Variants in ATXN7L1 observed in about 807,000 individuals in gnomAD.
ATXN7L1 encodes the protein ataxin-7-like protein 1.
Under a neutral mutation model 70.8 loss-of-function variants are expected in ATXN7L1, and 15 were observed. The ratio of observed to expected loss-of-function variants is 0.21; its 90% confidence interval spans 0.14 to 0.33. The LOEUF (loss-of-function observed/expected upper bound fraction) is 0.33, where lower values mean the gene tolerates loss of function less well. Among genes scored for constraint, ATXN7L1 ranks in the 10% least tolerant of loss-of-function variants. The pLI is 1.00. For synonymous variants in ATXN7L1, 440 were observed against 445.1 expected (o/e 0.99, Z 0.14); for missense variants, 975 against 1,097.1 (o/e 0.89, Z 1.57).
At chr7:105,829,462 C>CAAA (rs1811304534) in intron 2 of ATXN7L1, among the ~76,000 whole-genome samples, 1 of 151,848 alleles carries the variant, frequency 6.6e-6, no homozygotes, top group Admixed American at 6.6e-5. Context: ...AAAAAACAAA[C>CAAA]AAACAACAAC....
At chr7:105,841,646 A>G (rs1813225774) in intron 2 of ATXN7L1, among the ~76,000 whole-genome samples, 3 of 152,034 alleles carry the variant, frequency 2.0e-5, no homozygotes, top group African/African-American at 7.2e-5. Context: ...CTTGCATTCA[A>G]GTAATCCTTA....
At chr7:105,685,258 C>T (rs1363433388) in intron 3 of ATXN7L1, among the ~76,000 whole-genome samples, 1 of 152,060 alleles carries the variant, frequency 6.6e-6, no homozygotes, top group Non-Finnish European at 1.5e-5. Flanking sequence ...CCCTCTCCAG[C>T]GCTATAGCGA....
intron 5 of ATXN7L1, among the ~76,000 whole-genome samples, chr7:105,640,620 C>A (rs534117144): frequency 6.6e-6 from 1 of 152,208 alleles, no homozygotes; most frequent in African/African-American, 2.4e-5. Context: ...ACTGCAGCCT[C>A]GACCTCCTGG....
At chr7:105,843,162 T>C (rs934744221) in intron 2 of ATXN7L1, among the ~76,000 whole-genome samples, 1 of 152,190 alleles carries the variant, frequency 6.6e-6, no homozygotes, top group Non-Finnish European at 1.5e-5. Flanking sequence ...ATTTCCTATG[T>C]TCAGCAAGCA....
At chr7:105,702,571 CAT>C (rs891892922) in intron 3 of ATXN7L1, among the ~76,000 whole-genome samples, 6 of 151,850 alleles carry the variant, frequency 4.0e-5, no homozygotes, top group East Asian at 1.9e-4. Flanking sequence ...CACAGACACA[CAT>C]ACACACACAC....
At chr7:105,617,483 T>C (rs540180828) in intron 9 of ATXN7L1, among the ~76,000 whole-genome samples, 2 of 152,274 alleles carry the variant, frequency 1.3e-5, no homozygotes, top group Non-Finnish European at 1.5e-5. Context: ...ACGCTTTCTA[T>C]CCTTTTCTTG....
chr7:105,715,576 C>T (rs1794441882), intron 3 of ATXN7L1, among the ~76,000 whole-genome samples: 1 of 152,246 alleles, frequency 6.6e-6, no homozygotes, highest in African/African-American at 2.4e-5. Context: ...TAAACAATGC[C>T]TAAAGGCATT....
At chr7:105,853,043 G>A (rs1157706006) in intron 2 of ATXN7L1, among the ~76,000 whole-genome samples, 4 of 151,460 alleles carry the variant, frequency 2.6e-5, no homozygotes, top group East Asian at 1.9e-4. Flanking sequence ...AATAGAGAAC[G>A]TAGAACAGGT....
chr7:105,628,650 G>A (rs957998815), intron 7 of ATXN7L1, among the ~76,000 whole-genome samples: 28 of 151,642 alleles, frequency 1.8e-4, no homozygotes, highest in African/African-American at 5.1e-4. Flanking sequence ...AAAATTAGCC[G>A]GGCATGGTGG....
At chr7:105,857,593 C>T (rs1015234162) in intron 2 of ATXN7L1, among the ~76,000 whole-genome samples, 2 of 152,216 alleles carry the variant, frequency 1.3e-5, no homozygotes, top group African/African-American at 4.8e-5. Flanking sequence ...TCACCAGACC[C>T]AGGCTAAATA....
intron 3 of ATXN7L1, among the ~76,000 whole-genome samples, chr7:105,737,781 G>C (rs1797565327): frequency 6.6e-6 from 1 of 152,162 alleles, no homozygotes; most frequent in South Asian, 2.1e-4. Context: ...CAACAGCGTG[G>C]AGCTGCAGGT....
chr7:105,731,229 C>T (rs1796496273), intron 3 of ATXN7L1, among the ~76,000 whole-genome samples: 1 of 152,138 alleles, frequency 6.6e-6, no homozygotes, highest in Non-Finnish European at 1.5e-5. Context: ...GTCTCATCCC[C>T]AAGACGGCTC....
At chr7:105,610,176 G>C (rs1218473947) in intron 11 of ATXN7L1, among the ~76,000 whole-genome samples, 1 of 152,190 alleles carries the variant, frequency 6.6e-6, no homozygotes, top group Non-Finnish European at 1.5e-5. Context: ...ACTCAGAGAG[G>C]TAATGTGCGT....
At chr7:105,627,096 C>T (rs1795813832) in intron 7 of ATXN7L1, among the ~76,000 whole-genome samples, 1 of 152,160 alleles carries the variant, frequency 6.6e-6, no homozygotes, top group South Asian at 2.1e-4. Flanking sequence ...AACTTTCTAA[C>T]AGGCTCTCTC....
chr7:105,835,076 G>C (rs1042386000), intron 2 of ATXN7L1, among the ~76,000 whole-genome samples: 19 of 151,450 alleles, frequency 1.3e-4, no homozygotes, highest in Non-Finnish European at 1.9e-4. Context: ...CAGGGTGCAG[G>C]AGGGGCTTCA....
intron 3 of ATXN7L1, among the ~76,000 whole-genome samples, chr7:105,724,596 A>G (rs1295980935): frequency 8.4e-6 from 1 of 119,652 alleles, no homozygotes; most frequent in Non-Finnish European, 1.7e-5. Flanking sequence ...AAAAAAAAAA[A>G]AAAAAAAGGA....
intron 3 of ATXN7L1, among the ~76,000 whole-genome samples, chr7:105,694,913 A>G (rs3857822): frequency 0.5 from 75,500 of 152,056 alleles, 19,063 homozygotes; most frequent in East Asian, 0.64. Context: ...AGCACTTTGG[A>G]AGGCTGAGGC....
intron 2 of ATXN7L1, among the ~76,000 whole-genome samples, chr7:105,872,043 A>T (rs1279335420): frequency 6.6e-6 from 1 of 151,036 alleles, no homozygotes; most frequent in Non-Finnish European, 1.5e-5. Context: ...CCCAGGCTGG[A>T]GTGCAGTGGT....
intron 3 of ATXN7L1, among the ~76,000 whole-genome samples, chr7:105,779,791 C>T (rs138726947): frequency 0.012 from 1,868 of 152,296 alleles, 19 homozygotes; most frequent in Non-Finnish European, 0.02. Context: ...TGCACAGATT[C>T]CTGTGCTCTT....
Sources: allele counts gnomAD v4.1 joint callset (sites outside exome capture counted in the v4.1 genomes callset), GRCh38; gene constraint gnomAD v4.1.1; transcripts MANE v1.5; gene names NCBI Gene and HGNC (gene_info 2026-07-23, HGNC 2026-07-21).